Variants in RAMP1 observed in about 807,000 individuals in gnomAD.
RAMP1 encodes receptor activity modifying protein 1.
In RAMP1, 7 loss-of-function variants were observed where a neutral mutation model predicts 8.2. The observed-to-expected ratio is 0.85, with a 90% CI of 0.49 to 1.60. The LOEUF is 1.60. RAMP1 is among the 40% of genes most tolerant of loss of function. The probability of loss-of-function intolerance (pLI) is 0.00; values close to 1 mark genes in which losing one functional copy is unlikely to be tolerated. For missense variants in RAMP1, 192 were observed against 202.4 expected (o/e 0.95, Z 0.31); for synonymous variants, 92 against 84.7 (o/e 1.09, Z -0.47).
chr2:237,903,949 G>C (rs890870940), intron 2 of RAMP1, among the ~76,000 whole-genome samples: 10 of 152,118 alleles, frequency 6.6e-5, no homozygotes, highest in African/African-American at 1.9e-4. Flanking sequence ...ATGTTTCCCA[G>C]GCTGCTCTCA....
chr2:237,875,036 C>T (rs1222599083), intron 1 of RAMP1, among the ~76,000 whole-genome samples: 3 of 152,116 alleles, frequency 2.0e-5, no homozygotes, highest in African/African-American at 7.2e-5. Flanking sequence ...AACAGAGGGA[C>T]GATTCTCCAA....
At position 237,906,392 on chromosome 2, in the gene RAMP1, C is replaced by T. The variant is rs373440954; in HGVS notation, c.192-5136C>T. 4.1e-4 allele frequency among the ~76,000 whole-genome samples: 63 copies of T among 152,178 alleles called. No homozygotes were observed. In the South Asian group the frequency reaches 0.011, roughly 28 times the overall value. On this transcript the variant is annotated intron_variant, in intron 2 of 2. Transcript: ENST00000254661. Reference sequence around the variant, plus strand: ...GCAGCCAGGAAGGAAAAACAGTGACCGTACGATAGGGGCGGGGGTAGAGGG... The same window carrying T: ...GCAGCCAGGAAGGAAAAACAGTGACTGTACGATAGGGGCGGGGGTAGAGGG...
chr2:237,861,087 G>A (rs1264945438), intron 1 of RAMP1, among the ~76,000 whole-genome samples: 2 of 152,166 alleles, frequency 1.3e-5, no homozygotes, highest in African/African-American at 4.8e-5. Flanking sequence ...GAGCTGGGTT[G>A]TGGAATATTT....
intron 2 of RAMP1, among the ~76,000 whole-genome samples, chr2:237,902,290 T>G (rs2062607318): frequency 1.2e-5 from 1 of 86,290 alleles, no homozygotes; most frequent in African/African-American, 4.5e-5. Context: ...TAAGGAGGGA[T>G]CGGGAGGAGG....
At position 237,878,220 on chromosome 2, in the gene RAMP1, G is replaced by A. The variant is rs1228951723; in HGVS notation, c.191+858G>A. The A allele has an allele frequency of 8.3e-6, 8 of 968,876 alleles. No individual in the cohort carries two copies. Among genetic ancestry groups the A allele is most frequent in the Admixed American group, 6.1e-5 (1 of 16,262 alleles). The allele number at this position is 968,876 out of a possible 1,614,324, so 60.0% of individuals were successfully genotyped here. A position where few individuals can be genotyped will look rare whatever the true frequency, so the allele number is the denominator to read the frequency against. On this transcript the variant is annotated intron_variant, in intron 2 of 2. Transcript: ENST00000254661. This position sits in a 1 kb window ranked among gnomAD's most constrained non-coding sequence, Gnocchi z 5.7. ...GGTTCACAGCGCAGCGCAAGTCCTGGTGCCCCACCGATGACAAGCGCTTTC... is the reference window on the plus strand; with the variant it reads ...GGTTCACAGCGCAGCGCAAGTCCTGATGCCCCACCGATGACAAGCGCTTTC...
chr2:237,876,216 C>G (rs2062301722), intron 1 of RAMP1, among the ~76,000 whole-genome samples: 1 of 152,218 alleles, frequency 6.6e-6, no homozygotes, highest in African/African-American at 2.4e-5. Flanking sequence ...TCCAGAACCC[C>G]TCGCCCAATC....
At chr2:237,872,201 G>A (rs74380533) in intron 1 of RAMP1, among the ~76,000 whole-genome samples, 178 of 152,348 alleles carry the variant, frequency 1.2e-3, no homozygotes, top group African/African-American at 4.1e-3. Flanking sequence ...GGAGGGCCTG[G>A]CACGGGGAGG....
rs1237101591 is a variant in RAMP1 at position 237,865,933 on chromosome 2, A to G, written c.52+6206A>G. 6.6e-6 allele frequency among the ~76,000 whole-genome samples: 1 copy of G among 152,242 alleles called. No individual in the cohort carries two copies. Among genetic ancestry groups the G allele is most frequent in the Non-Finnish European group, 1.5e-5 (1 of 68,044 alleles). On this transcript the variant is annotated intron_variant, in intron 1 of 2. Transcript: ENST00000254661. This position sits in a 1 kb window ranked among gnomAD's most constrained non-coding sequence, Gnocchi z 4.2. ...TAGGAGGCAGCGAGGAGGTGAAACC[A>G]GAGAGCATGCCTGTGTAGGTTTCCT...
Position 237,877,560 on chromosome 2 carries a change from G to A in RAMP1, c.191+198G>A, listed in dbSNP as rs1040196786. ...GACGTGAAGAGTGACGGTGGGAGGAGGCCACGTCCTCAATAATCTGGTCTG... is the reference window on the plus strand; with the variant it reads ...GACGTGAAGAGTGACGGTGGGAGGAAGCCACGTCCTCAATAATCTGGTCTG... On this transcript the variant is annotated intron_variant, in intron 2 of 2. Coordinates refer to ENST00000254661, the MANE Select transcript of RAMP1 (RefSeq NM_005855.4). This position sits in a 1 kb window ranked among gnomAD's most constrained non-coding sequence, Gnocchi z 4.4. Among the ~76,000 whole-genome samples, 3 of 152,144 alleles carry A rather than the reference G, an allele frequency of 2.0e-5. No homozygotes were observed. Among genetic ancestry groups the A allele is most frequent in the Admixed American group, 6.5e-5 (1 of 15,286 alleles).
intron 2 of RAMP1, among the ~76,000 whole-genome samples, chr2:237,880,137 C>T (rs894626625): frequency 1.5e-4 from 23 of 152,118 alleles, no homozygotes; most frequent in African/African-American, 4.8e-4. Flanking sequence ...GATGTCCATG[C>T]GTAATTCCTG....
chr2:237,911,375 C>T (rs1174474536), intron 2 of RAMP1, among the ~76,000 whole-genome samples, 153 bp from the exon 3 acceptor site: 1 of 152,248 alleles, frequency 6.6e-6, no homozygotes, highest in Non-Finnish European at 1.5e-5. Flanking sequence ...GGCCCCTGCC[C>T]TCCTGGATCC....
At position 237,865,616 on chromosome 2, in the gene RAMP1, GGTACGTA is replaced by G; in HGVS notation, c.52+5891_52+5897del. Among the ~76,000 whole-genome samples, 1 of 152,286 alleles carries G rather than the reference GGTACGTA, an allele frequency of 6.6e-6. No individual in the cohort carries two copies. The highest frequency in any genetic ancestry group is 1.9e-4 in the East Asian group (1 of 5,178). On this transcript the variant is annotated intron_variant, in intron 1 of 2. Coordinates refer to ENST00000254661, the MANE Select transcript of RAMP1 (RefSeq NM_005855.4). The surrounding 1 kb of genome is among the most constrained non-coding windows in gnomAD (Gnocchi z 4.2). ...TTCCCCTTGGATTCTGAGGGGTGATGGTACGTAGACAGGAGTCTATGCAAATCAAGGG... is the reference window on the plus strand; with the variant it reads ...TTCCCCTTGGATTCTGAGGGGTGATGGACAGGAGTCTATGCAAATCAAGGG...
intron 1 of RAMP1, among the ~76,000 whole-genome samples, chr2:237,871,239 C>G (rs1331905003): frequency 2.6e-5 from 4 of 152,166 alleles, no homozygotes; most frequent in Non-Finnish European, 5.9e-5. Flanking sequence ...GGGCTTCAGC[C>G]AGCTGACCCC....
At chr2:237,886,321 C>G (rs302671) in intron 2 of RAMP1, among the ~76,000 whole-genome samples, 20,449 of 152,194 alleles carry the variant, frequency 0.13, 1,507 homozygotes, top group Middle Eastern at 0.27. Context: ...TAAACCAGGG[C>G]TCAGAGTCCT....
Position 237,877,550 on chromosome 2 carries a change from G to A in RAMP1, c.191+188G>A, listed in dbSNP as rs566952640. ...GTAGCAGGTGGACGTGAAGAGTGAC[G>A]GTGGGAGGAGGCCACGTCCTCAATA... On this transcript the variant is annotated intron_variant, in intron 2 of 2. Transcript: ENST00000254661. The surrounding 1 kb of genome is among the most constrained non-coding windows in gnomAD (Gnocchi z 4.4). Among the ~76,000 whole-genome samples the A allele has an allele frequency of 1.6e-3, 250 of 152,282 alleles. 3 individuals are homozygous for A. Among genetic ancestry groups the A allele is most frequent in the Non-Finnish European group, 2.5e-3 (171 of 68,012 alleles).
At chr2:237,905,586 C>G (rs1380943942) in intron 2 of RAMP1, among the ~76,000 whole-genome samples, 2 of 152,208 alleles carry the variant, frequency 1.3e-5, no homozygotes, top group Admixed American at 6.5e-5. Context: ...CCTAAAAATG[C>G]CACAGCTCCG....
Position 237,865,727 on chromosome 2 carries a change from G to A in RAMP1, c.52+6000G>A, listed in dbSNP as rs761401111. On this transcript the variant is annotated intron_variant, in intron 1 of 2. Coordinates refer to ENST00000254661, the MANE Select transcript of RAMP1 (RefSeq NM_005855.4). The surrounding 1 kb of genome is among the most constrained non-coding windows in gnomAD (Gnocchi z 4.2). Reference sequence around the variant, plus strand: ...CTATGTCAAATCCTTGCTTGGAGGGGTGACCGGTGAGAGTGGGTAGAAACA... The same window carrying A: ...CTATGTCAAATCCTTGCTTGGAGGGATGACCGGTGAGAGTGGGTAGAAACA... Among the ~76,000 whole-genome samples, 1 of 152,158 alleles carries A rather than the reference G, an allele frequency of 6.6e-6. No individual in the cohort carries two copies. The highest frequency in any genetic ancestry group is 1.5e-5 in the Non-Finnish European group (1 of 68,030).
intron 2 of RAMP1, among the ~76,000 whole-genome samples, chr2:237,883,735 A>G (rs1013827576): frequency 6.6e-6 from 1 of 151,222 alleles, no homozygotes; most frequent in African/African-American, 2.4e-5. Flanking sequence ...AGGATCACTC[A>G]AGCCTGAGAG....
intron 1 of RAMP1, among the ~76,000 whole-genome samples, chr2:237,860,215 T>A (rs1328338718): frequency 1.3e-5 from 2 of 152,232 alleles, no homozygotes; most frequent in East Asian, 3.9e-4. Flanking sequence ...CCGGTTTGTA[T>A]GGAAATTAGT....
Sources: gnomAD v4.1 joint callset for allele counts (sites outside exome capture counted in the v4.1 genomes callset) on GRCh38, gnomAD v4.1.1 for gene constraint, Gnocchi (gnomAD v3.1) non-coding constraint, MANE v1.5 for transcripts, NCBI Gene and HGNC (gene_info 2026-07-23, HGNC 2026-07-21) for gene names.